Variants in ARHGAP22 observed in about 807,000 individuals in gnomAD.
The protein encoded by ARHGAP22 is rho GTPase-activating protein 22.
Under a neutral mutation model 59.1 loss-of-function variants are expected in ARHGAP22, and 48 were observed. The observed-to-expected ratio is 0.81, with a 90% confidence interval of 0.64 to 1.03. The LOEUF (loss-of-function observed/expected upper bound fraction) is 1.03. ARHGAP22 is among the 50% of genes least tolerant of loss of function. ARHGAP22 has a pLI of 0.00. For missense variants in ARHGAP22, 1,015 were observed against 958.7 expected (o/e 1.06, Z -0.78); for synonymous variants, 445 against 416.4 (o/e 1.07, Z -0.84).
At chr10:48,489,609 T>G (rs1361974666) in intron 3 of ARHGAP22, among the ~76,000 whole-genome samples, 1 of 152,206 alleles carries the variant, frequency 6.6e-6, no homozygotes, top group Admixed American at 6.5e-5. Flanking sequence ...AGGAATAAAT[T>G]CATTATGAAA....
intron 3 of ARHGAP22, among the ~76,000 whole-genome samples, chr10:48,548,213 G>A (rs747533): frequency 0.24 from 36,777 of 152,030 alleles, 4,668 homozygotes; most frequent in Non-Finnish European, 0.25. Flanking sequence ...CAGCCCAGCC[G>A]CTTGCCCCTT....
At chr10:48,495,534 T>C (rs928228159) in intron 3 of ARHGAP22, among the ~76,000 whole-genome samples, 3 of 152,142 alleles carry the variant, frequency 2.0e-5, no homozygotes, top group Non-Finnish European at 4.4e-5. Context: ...CACAGCCCAC[T>C]CTTAATAGCT....
At position 48,468,029 on chromosome 10, in the gene ARHGAP22, T is replaced by C. The variant is rs111729206; in HGVS notation, c.452-8138A>G. ...CACTCAGTAACTAGGATAAACACTT[T>C]ATTGTAATACTTTTAAGAATAAATA... On this transcript the variant is annotated intron_variant, in intron 4 of 9. Transcript: ENST00000249601. 8.4e-4 allele frequency among the ~76,000 whole-genome samples: 128 copies of C among 152,232 alleles called. 1 individual carries two copies. Among genetic ancestry groups the C allele is most frequent in the Admixed American group, 8.5e-4 (13 of 15,280 alleles).
At position 48,547,495 on chromosome 10, in the gene ARHGAP22, T is replaced by C. The variant is rs569683548; in HGVS notation, c.322+7968A>G. Among the ~76,000 whole-genome samples, 4 of 152,350 alleles carry C rather than the reference T, an allele frequency of 2.6e-5. 1 individual carries two copies. Among genetic ancestry groups the C allele is most frequent in the Admixed American group, 6.5e-5 (1 of 15,306 alleles). The stretch of plus-strand genomic sequence containing the variant: ...GCAGAGAGCTTGCCAGGCCTCTGAA[T>C]GGTACAGCTGGCCCCCGAGTCTCCT... On this transcript the variant is annotated intron_variant, in intron 3 of 9. Transcript: ENST00000249601.
At chr10:48,545,850 C>G (rs1464590122) in intron 3 of ARHGAP22, among the ~76,000 whole-genome samples, 1 of 152,194 alleles carries the variant, frequency 6.6e-6, no homozygotes, top group Non-Finnish European at 1.5e-5. Context: ...CTGGCTCCCT[C>G]TGGACAAACT....
intron 1 of ARHGAP22, among the ~76,000 whole-genome samples, chr10:48,627,213 T>A (rs984211642): frequency 1.3e-5 from 2 of 152,134 alleles, no homozygotes; most frequent in African/African-American, 4.8e-5. Context: ...ATGTCAGTAG[T>A]GTTTTCCTGA....
At chr10:48,601,772 G>GC (rs143932858) in intron 1 of ARHGAP22, among the ~76,000 whole-genome samples, 3,473 of 152,224 alleles carry the variant, frequency 0.023, 115 homozygotes, top group East Asian at 0.13. Context: ...TAATTGCCTT[G>GC]TTTTTTATTT....
intron 1 of ARHGAP22, among the ~76,000 whole-genome samples, chr10:48,629,363 C>G (rs1220922013): frequency 1.3e-5 from 2 of 152,210 alleles, no homozygotes; most frequent in Non-Finnish European, 2.9e-5. Flanking sequence ...GTGTCAATCC[C>G]AAGGTTTTCT....
At chr10:48,655,982 G>C (rs1219816327), upstream of ARHGAP22, 1 of 152,306 alleles carries the variant, frequency 6.6e-6, no homozygotes, top group African/African-American at 2.4e-5. Context: ...ATCTCCCGCC[G>C]GTGGTAAGCG....
intron 1 of ARHGAP22, among the ~76,000 whole-genome samples, chr10:48,642,951 A>G (rs1450515562): frequency 6.6e-6 from 1 of 152,266 alleles, no homozygotes; most frequent in Non-Finnish European, 1.5e-5. Context: ...CTTTTCTCAA[A>G]AGAAGACATT....
At chr10:48,520,129 G>A (rs939723253) in intron 3 of ARHGAP22, among the ~76,000 whole-genome samples, 11 of 152,216 alleles carry the variant, frequency 7.2e-5, no homozygotes, top group Non-Finnish European at 1.6e-4. Flanking sequence ...GAGGCAGTGG[G>A]AGTGCGGGAC....
intron 2 of ARHGAP22, among the ~76,000 whole-genome samples, chr10:48,558,931 C>T (rs1282569468): frequency 6.6e-6 from 1 of 152,224 alleles, no homozygotes; most frequent in Non-Finnish European, 1.5e-5. Context: ...ATAGTATCTG[C>T]TTCATGAGGC....
intron 9 of ARHGAP22, among the ~76,000 whole-genome samples, chr10:48,449,874 C>G (rs1055580075): frequency 1.3e-5 from 2 of 152,240 alleles, no homozygotes; most frequent in Admixed American, 6.5e-5. Flanking sequence ...CTTCCTGGCA[C>G]TCAGCATCCA....
At chr10:48,536,075 G>A (rs1339938765) in intron 3 of ARHGAP22, among the ~76,000 whole-genome samples, 2 of 152,226 alleles carry the variant, frequency 1.3e-5, no homozygotes, top group African/African-American at 4.8e-5. Context: ...AGATGTTGGG[G>A]TGGGGAAGGT....
intron 1 of ARHGAP22, among the ~76,000 whole-genome samples, chr10:48,597,044 C>T (rs372633880): frequency 2.1e-4 from 32 of 152,306 alleles, no homozygotes; most frequent in African/African-American, 7.5e-4. Context: ...AGTGCAATTA[C>T]TTCCTAAGGT....
rs771299821 is a variant in ARHGAP22, at chr10:48,604,840, G to A, written c.-44C>T. 4 of 1,614,012 alleles carry A rather than the reference G, an allele frequency of 2.5e-6. No homozygotes were observed. In the East Asian group the frequency reaches 8.9e-5, roughly 36 times the overall value. Reference sequence around the variant, plus strand: ...CCAGCCCCGCAGGGCCGTTCATGCTGTCATCCACTTGCTTTTGCTCGTCCT... The same window carrying A: ...CCAGCCCCGCAGGGCCGTTCATGCTATCATCCACTTGCTTTTGCTCGTCCT... On this transcript the variant is annotated 5_prime_UTR_variant, in exon 1 of 10. Transcript: ENST00000249601.
chr10:48,509,358 T>TC (rs1191867663), intron 3 of ARHGAP22, among the ~76,000 whole-genome samples: 5 of 152,192 alleles, frequency 3.3e-5, no homozygotes, highest in African/African-American at 7.2e-5. Flanking sequence ...AGGGGACACC[T>TC]CCAGCAGAGG....
At chr10:48,609,190 C>T (rs1159744411), upstream of ARHGAP22, among the ~76,000 whole-genome samples, 1 of 152,202 alleles carries the variant, frequency 6.6e-6, no homozygotes, top group Admixed American at 6.5e-5. Context: ...CTCTGTCTGC[C>T]CCAGTCACTG....
intron 1 of ARHGAP22, among the ~76,000 whole-genome samples, chr10:48,612,340 C>T (rs755886680): frequency 5.3e-5 from 8 of 152,222 alleles, no homozygotes; most frequent in Non-Finnish European, 1.0e-4. Flanking sequence ...TCTCCCTCTT[C>T]GGAAGCTACA....
Sources: allele counts gnomAD v4.1 joint callset (sites outside exome capture counted in the v4.1 genomes callset), GRCh38; gene constraint gnomAD v4.1.1; transcripts MANE v1.5; gene names NCBI Gene and HGNC (gene_info 2026-07-23, HGNC 2026-07-21).